PKD2L2: variants seen among roughly 807,000 people sequenced by gnomAD.
PKD2L2 encodes polycystin-2-like protein 2.
A neutral mutation model predicts 83.9 loss-of-function variants in PKD2L2; 67 were observed. The ratio of observed to expected loss-of-function variants is 0.80; its 90% CI spans 0.66 to 0.98. PKD2L2 has a LOEUF of 0.98. PKD2L2 is among the 50% of genes least tolerant of loss of function. PKD2L2 has a pLI of 0.00. For synonymous variants in PKD2L2, 223 were observed against 237.8 expected, an observed-to-expected ratio of 0.94 and a Z score of 0.57; for missense variants, 632 against 717.2, an observed-to-expected ratio of 0.88 and a Z score of 1.36.
intron 12 of PKD2L2, among the ~76,000 whole-genome samples, chr5:137,929,637 T>A (rs1034212116): frequency 4.2e-5 from 6 of 141,844 alleles, no homozygotes; most frequent in Non-Finnish European, 6.1e-5. Flanking sequence ...CATAAATACA[T>A]GCAAATAAGC....
At chr5:137,937,133 C>T (rs1304055977) in intron 14 of PKD2L2, among the ~76,000 whole-genome samples, 1 of 152,154 alleles carries the variant, frequency 6.6e-6, no homozygotes, top group Non-Finnish European at 1.5e-5. Flanking sequence ...CCTTTGGCCA[C>T]AGATAAATTA....
rs1036220252 is a variant in PKD2L2 at position 137,940,436 on chromosome 5, C to T, written c.*18-1948C>T. On this transcript the variant is annotated intron_variant, in intron 14 of 14. Transcript: ENST00000508883. Reference sequence around the variant, plus strand: ...TGTCTTAATATGAGACATACTGTTACTAAACATAAGTTCAAATAAAAAGTT... The same window carrying T: ...TGTCTTAATATGAGACATACTGTTATTAAACATAAGTTCAAATAAAAAGTT... 92 of 696,968 alleles carry T rather than the reference C, an allele frequency of 1.3e-4. No homozygotes were observed. In the African/African-American group the frequency reaches 1.7e-3, roughly 13 times the overall value. 43.2% of individuals were successfully genotyped at this position (696,968 alleles called of 1,614,324 possible).
At chr5:137,918,194 C>T (rs1392452169) in intron 8 of PKD2L2, among the ~76,000 whole-genome samples, 1 of 152,140 alleles carries the variant, frequency 6.6e-6, no homozygotes, top group Non-Finnish European at 1.5e-5. Context: ...GGCTCCATGC[C>T]AAGGATCACC....
chr5:137,916,526 C>G (rs1273477174), intron 8 of PKD2L2, among the ~76,000 whole-genome samples: 1 of 127,386 alleles, frequency 7.9e-6, no homozygotes, highest in African/African-American at 3.0e-5. Flanking sequence ...TTCACTCAGG[C>G]TGGAGTACAG....
At chr5:137,929,551 A>AAC (rs1759681247) in intron 12 of PKD2L2, among the ~76,000 whole-genome samples, 1 of 148,250 alleles carries the variant, frequency 6.7e-6, no homozygotes, top group Non-Finnish European at 1.5e-5. Context: ...AAAAAAAAAA[A>AAC]AAAAAAAACA....
intron 12 of PKD2L2, among the ~76,000 whole-genome samples, chr5:137,928,452 G>A (rs1307100661): frequency 1.3e-5 from 2 of 151,164 alleles, no homozygotes; most frequent in African/African-American, 4.9e-5. Context: ...AACATAATAC[G>A]ACAAGGTTAG....
chr5:137,933,812 T>G (rs1394296467), intron 12 of PKD2L2, among the ~76,000 whole-genome samples: 1 of 152,180 alleles, frequency 6.6e-6, no homozygotes, highest in Admixed American at 6.5e-5. Flanking sequence ...GTAATCCAAT[T>G]TCCCCTTGGT....
At chr5:137,911,033 T>C (rs1757790337) in intron 8 of PKD2L2, among the ~76,000 whole-genome samples, 1 of 152,166 alleles carries the variant, frequency 6.6e-6, no homozygotes, top group Middle Eastern at 3.2e-3. Context: ...ATTAAGTACA[T>C]TCATATTGTG....
intron 8 of PKD2L2, 34 bp downstream of exon 8, chr5:137,908,980 T>A: frequency 7.6e-7 from 1 of 1,313,798 alleles, no homozygotes; most frequent in Non-Finnish European, 1.1e-6. Flanking sequence ...TTATATCTTC[T>A]ATATTTTCTT....
chr5:137,917,667 TTTC>T (rs1350856221), intron 8 of PKD2L2, among the ~76,000 whole-genome samples: 3 of 152,188 alleles, frequency 2.0e-5, no homozygotes, highest in Non-Finnish European at 2.9e-5. Flanking sequence ...TTGTTCATGT[TTTC>T]TTATTTTATC....
chr5:137,922,807 ATTAAT>A (rs1315277963), intron 9 of PKD2L2, among the ~76,000 whole-genome samples: 12 of 152,140 alleles, frequency 7.9e-5, no homozygotes, highest in Non-Finnish European at 1.6e-4. Flanking sequence ...ATTATGTAAT[ATTAAT>A]TTGTGTATAT....
chr5:137,918,015 T>C (rs1381759769), intron 8 of PKD2L2, among the ~76,000 whole-genome samples: 1 of 152,166 alleles, frequency 6.6e-6, no homozygotes, highest in African/African-American at 2.4e-5. Context: ...CCCAGCAGTT[T>C]GAGACCAGTC....
intron 5 of PKD2L2, among the ~76,000 whole-genome samples, chr5:137,902,143 C>T (rs1303506103): frequency 1.3e-5 from 2 of 152,028 alleles, no homozygotes; most frequent in African/African-American, 4.8e-5. Context: ...GAACAGAAAA[C>T]AAATGGACAT....
chr5:137,932,916 T>C lies in PKD2L2; in HGVS notation c.1672-2881T>C, dbSNP rs537398486. Among the ~76,000 whole-genome samples the C allele has an allele frequency of 1.9e-3, 290 of 152,216 alleles. 1 individual carries two copies. Among genetic ancestry groups the C allele is most frequent in the South Asian group, 6.2e-3 (30 of 4,812 alleles). On this transcript the variant is annotated intron_variant, in intron 12 of 14. Transcript: ENST00000508883. ...ATTAGGGATACTCAATCTGTACTTC[T>C]TGAGTGGGTGTGATGAGGCTGCTTC...
chr5:137,924,123 C>T (rs923015183), intron 10 of PKD2L2, among the ~76,000 whole-genome samples: 2 of 152,176 alleles, frequency 1.3e-5, no homozygotes, highest in Non-Finnish European at 2.9e-5. Flanking sequence ...TTTCGCCCAG[C>T]CTTCACTATG....
Position 137,921,640 on chromosome 5 carries a change from G to A in PKD2L2, c.1333G>A (p.Ala445Thr). The A allele has an allele frequency of 6.3e-7, 1 of 1,580,846 alleles. No homozygotes were observed. Among genetic ancestry groups the A allele is most frequent in the East Asian group, 2.2e-5 (1 of 44,626 alleles). Reference protein sequence around the residue: ...DFSTFQNSIFAQFRIVLGDFN... With the variant: ...DFSTFQNSIFTQFRIVLGDFN... ...TACTGTTTTTCTTTCTTAAAGATTT[G>A]CACAATTTCGAATTGTTCTTGGAGA... The change falls in exon 9 of 15, where the codon GCA becomes ACA. Residue 445 changes from alanine to threonine, a missense_variant. Coordinates refer to ENST00000508883, the MANE Select transcript of PKD2L2 (RefSeq NM_001300921.2).
chr5:137,928,636 T>C (rs1759582875), intron 12 of PKD2L2, among the ~76,000 whole-genome samples: 1 of 152,208 alleles, frequency 6.6e-6, no homozygotes. Flanking sequence ...TTCACCATGC[T>C]ACCCAGGCTG....
At position 137,935,835 on chromosome 5, in the gene PKD2L2, G is replaced by C. The variant is rs1760284682; in HGVS notation, c.1710G>C (p.Glu570Asp). 1 of 1,611,674 alleles carries C rather than the reference G, an allele frequency of 6.2e-7. No individual in the cohort carries two copies. The highest frequency in any genetic ancestry group is 8.5e-7 in the Non-Finnish European group (1 of 1,177,850). The change falls in exon 13 of 15, where the codon GAG becomes GAC. Residue 570 changes from glutamate (E) to aspartate (D), a missense_variant. Around this residue, in one of 3 missense-constraint regions of PKD2L2, gnomAD observed 399 missense variants for 416.9 expected, o/e 0.96. Coordinates refer to ENST00000508883, the MANE Select transcript of PKD2L2 (RefSeq NM_001300921.2). ...QNAEQMKKWK[E>D]RLEKKYYSME... The stretch of plus-strand genomic sequence containing the variant: ...CAGAGCAGATGAAAAAATGGAAAGA[G>C]AGGCTTGAGAAAAAGTATTATTCTA...
chr5:137,937,673 A>G (rs1760572792), intron 14 of PKD2L2, among the ~76,000 whole-genome samples: 1 of 152,242 alleles, frequency 6.6e-6, no homozygotes, highest in African/African-American at 2.4e-5. Context: ...TTCTCTTAAG[A>G]GACTGTACAT....
Sources: gnomAD v4.1 joint callset for allele counts (sites outside exome capture counted in the v4.1 genomes callset) on GRCh38, gnomAD v4.1.1 for gene constraint, gnomAD v4.1.1 regional missense constraint, MANE v1.5 for transcripts, NCBI Gene and HGNC (gene_info 2026-07-23, HGNC 2026-07-21) for gene names.